FOXO4: variants seen among roughly 807,000 people sequenced by gnomAD.
FOXO4 encodes the protein forkhead box protein O4.
In FOXO4, 3 loss-of-function variants were observed where a neutral mutation model predicts 20.8. That is an observed-to-expected ratio of 0.14 (90% CI 0.07 to 0.37). The LOEUF is 0.37. Among genes scored for constraint, FOXO4 ranks in the 10% least tolerant of loss-of-function variants. The pLI is 1.00. For missense variants in FOXO4, 309 were observed against 431.9 expected (o/e 0.72, Z 2.52); for synonymous variants, 158 against 180.0 (o/e 0.88, Z 0.98).
At chrX:71,100,323 T>A (rs1443229117) in intron 1 of FOXO4, among the ~76,000 whole-genome samples, 3 of 110,327 alleles carry the variant, frequency 2.7e-5, no homozygotes, top group Non-Finnish European at 5.7e-5. Context: ...GAGCAGAGGC[T>A]GAGCAGCTTG....
chrX:71,098,225 T>C (rs1281665096), intron 1 of FOXO4, among the ~76,000 whole-genome samples: 1 of 112,632 alleles, frequency 8.9e-6, no homozygotes, highest in Admixed American at 9.4e-5. Context: ...GTTTTTATTT[T>C]ATTAATCTTT....
chrX:71,098,537 A>G (rs1418619686), intron 1 of FOXO4, among the ~76,000 whole-genome samples: 1 of 111,810 alleles, frequency 8.9e-6, no homozygotes, highest in Non-Finnish European at 1.9e-5. Flanking sequence ...TAGAACAAGA[A>G]AGTTTAGATT....
chrX:71,100,583 C>T, intron 1 of FOXO4, 101 bp from the exon 2 acceptor site: 2 of 603,271 alleles, frequency 3.3e-6, no homozygotes, highest in Non-Finnish European at 5.0e-6. Flanking sequence ...AATCCTAAAC[C>T]CTAGATCATC....
At position 71,100,677 on chromosome X, in the gene FOXO4, C is replaced by T; in HGVS notation, c.454-7C>T. On this transcript the variant is annotated splice_region_variant and splice_polypyrimidine_tract_variant and intron_variant, in intron 1 of 2. Transcript: ENST00000374259. ...ACGCCCCTTTCCTGCCATCTCTGCCCCTCCAGAACTCGATCCGCCACAACC... is the reference window on the plus strand; with the variant it reads ...ACGCCCCTTTCCTGCCATCTCTGCCTCTCCAGAACTCGATCCGCCACAACC... 1 of 1,176,391 alleles carries T rather than the reference C, an allele frequency of 8.5e-7. No individual in the cohort carries two copies. Among genetic ancestry groups the T allele is most frequent in the South Asian group, 1.9e-5 (1 of 52,110 alleles).
At position 71,095,968 on chromosome X, in the gene FOXO4, T is replaced by G. The variant is rs1602280934; in HGVS notation, c.-561T>G. On this transcript the variant is annotated 5_prime_UTR_variant, in exon 1 of 3. Transcript: ENST00000374259. ...TGGGGGGGGTTGATAGGGGAATCGG[T>G]GCGGGAATAAGGGAGGCCGCAGCCG... 1.5e-5 allele frequency among the ~76,000 whole-genome samples: 1 copy of G among 66,583 alleles called. No homozygotes were observed. The allele number at this position is 66,583 out of a possible 115,157, so 57.8% of individuals were successfully genotyped here.
chrX:71,096,664 G>A lies in FOXO4; in HGVS notation c.136G>A (p.Glu46Lys). 4 of 1,210,360 alleles carry A rather than the reference G, an allele frequency of 3.3e-6. No homozygotes were observed. The highest frequency in any genetic ancestry group is 1.8e-5 in the South Asian group (1 of 56,722). Residue 46 changes from glutamate to lysine, a missense_variant, in exon 1 of 3, where the codon GAG becomes AAG. Glu to Lys is a moderately conservative substitution (Grantham distance 56, BLOSUM62 1). Coordinates refer to ENST00000374259, the MANE Select transcript of FOXO4 (RefSeq NM_005938.4). ...PRPEIANQPS[E>K]PPEVEPDLGE... The stretch of plus-strand genomic sequence containing the variant: ...ACCAGAGATCGCTAACCAGCCGTCC[G>A]AGCCGCCCGAGGTGGAGCCAGATCT...
At position 71,103,238 on chromosome X, in the gene FOXO4, G is replaced by T. The variant is rs1256410812; in HGVS notation, c.*1154G>T. 1 of 171,436 alleles carries T rather than the reference G, an allele frequency of 5.8e-6. No individual in the cohort carries two copies. Among genetic ancestry groups the T allele is most frequent in the Non-Finnish European group, 1.1e-5 (1 of 89,280 alleles). The allele number at this position is 171,436 out of a possible 1,213,427, so 14.1% of individuals were successfully genotyped here. A position where few individuals can be genotyped will look rare whatever the true frequency, so the allele number is the denominator to read the frequency against. On this transcript the variant is annotated 3_prime_UTR_variant, in exon 3 of 3. Transcript: ENST00000374259. ...AGCGGGGAGGGGAGGAACAGGGAAG[G>T]GGGAGCTGGGGAGCTTGGCTGAGGG...
rs1602282825 is a variant in FOXO4 at position 71,100,068 on chromosome X, C to G, written c.454-616C>G. Among the ~76,000 whole-genome samples, 3 of 111,524 alleles carry G rather than the reference C, an allele frequency of 2.7e-5. No individual in the cohort carries two copies. In the East Asian group the frequency reaches 8.4e-4, roughly 31 times the overall value. ...TGTACCACTGTCCCGTAAACTCTAC[C>G]CAAACCTGCACTCAAGGAAAGGGGT... On this transcript the variant is annotated intron_variant, in intron 1 of 2. Coordinates refer to ENST00000374259, the MANE Select transcript of FOXO4 (RefSeq NM_005938.4).
Position 71,100,964 on chromosome X carries a change from G to C in FOXO4, c.734G>C (p.Arg245Pro). 8.3e-7 allele frequency: 1 copy of C among 1,210,913 alleles called. No individual in the cohort carries two copies. Among genetic ancestry groups the C allele is most frequent in the South Asian group, 1.8e-5 (1 of 56,796 alleles). Residue 245 changes from arginine (R) to proline (P), a missense_variant, in exon 2 of 3, where the codon CGA becomes CCA. This residue lies in a region of FOXO4 where 223 missense variants were observed against 302.7 expected (regional missense o/e 0.74). Coordinates refer to ENST00000374259, the MANE Select transcript of FOXO4 (RefSeq NM_005938.4). ...FAKWSGSPCS[R>P]NREEADMWTT... ...AAGTGGTCAGGCAGCCCTTGCTCTC[G>C]AAACCGTGAAGAAGCCGATATGTGG...
chrX:71,101,348 A>G lies in FOXO4; in HGVS notation c.1118A>G (p.Asp373Gly). The G allele has an allele frequency of 1.7e-6, 2 of 1,210,796 alleles. No individual in the cohort carries two copies. Among genetic ancestry groups the G allele is most frequent in the African/African-American group, 3.5e-5 (2 of 57,539 alleles). ...SQALEALLTSDTPPPPADVLM... is the reference protein window; with the variant it reads ...SQALEALLTSGTPPPPADVLM... Reference sequence around the variant, plus strand: ...GCTCTGGAGGCCCTGCTCACCTCTGATACGCCACCACCCCCTGCTGACGTC... The same window carrying G: ...GCTCTGGAGGCCCTGCTCACCTCTGGTACGCCACCACCCCCTGCTGACGTC... The change falls in exon 2 of 3, where the codon GAT becomes GGT. Residue 373 changes from aspartate to glycine, a missense_variant. Physicochemically the swap from Asp to Gly is moderately conservative, Grantham distance 94. This residue lies in a region of FOXO4 where 223 missense variants were observed against 302.7 expected (regional missense o/e 0.74). Coordinates refer to ENST00000374259, the MANE Select transcript of FOXO4 (RefSeq NM_005938.4).
intron 1 of FOXO4, 29 bp downstream of exon 1, chrX:71,097,010 A>G: frequency 8.8e-7 from 1 of 1,141,413 alleles, no homozygotes; most frequent in Non-Finnish European, 1.2e-6. Flanking sequence ...CCTTCTTCCC[A>G]ACACCATCTA....
intron 1 of FOXO4, among the ~76,000 whole-genome samples, chrX:71,100,403 C>A (rs949250765): frequency 1.9e-5 from 2 of 106,417 alleles, no homozygotes; most frequent in Non-Finnish European, 3.9e-5. Context: ...CCAGTTTTCC[C>A]CCCTGGATTC....
At chrX:71,098,700 T>C (rs963510989) in intron 1 of FOXO4, among the ~76,000 whole-genome samples, 1 of 111,716 alleles carries the variant, frequency 9.0e-6, no homozygotes, top group Non-Finnish European at 1.9e-5. Context: ...AAACGGGCCT[T>C]GTGGCTATTA....
At position 71,100,799 on chromosome X, in the gene FOXO4, C is replaced by T; in HGVS notation, c.569C>T (p.Ala190Val). Residue 190 changes from alanine (A) to valine (V), a missense_variant, in exon 2 of 3, where the codon GCC (alanine) becomes GTC (valine). Coordinates refer to ENST00000374259, the MANE Select transcript of FOXO4 (RefSeq NM_005938.4). Reference sequence around the variant, plus strand: ...CCTGAGGGAGGCAAGAGCGGCAAAGCCCCCCGCCGCCGGGCCGCCTCCATG... The same window carrying T: ...CCTGAGGGAGGCAAGAGCGGCAAAGTCCCCCGCCGCCGGGCCGCCTCCATG... ...LNPEGGKSGK[A>V]PRRRAASMDS... 5 of 1,210,077 alleles carry T rather than the reference C, an allele frequency of 4.1e-6. No homozygotes were observed. The highest frequency in any genetic ancestry group is 5.6e-6 in the Non-Finnish European group (5 of 894,518).
rs763022269 is a variant in FOXO4 at position 71,102,090 on chromosome X, G to T, written c.*6G>T. 20 of 1,209,680 alleles carry T rather than the reference G, an allele frequency of 1.7e-5. No homozygotes were observed. In the East Asian group the frequency reaches 5.9e-4, roughly 36 times the overall value. On this transcript the variant is annotated 3_prime_UTR_variant, in exon 3 of 3. Coordinates refer to ENST00000374259, the MANE Select transcript of FOXO4 (RefSeq NM_005938.4). ...TTCTTCCCACAGATCCCTGAGTCATGCCTGGAAGCTTTGTCCCCTGCTTCA... is the reference window on the plus strand; with the variant it reads ...TTCTTCCCACAGATCCCTGAGTCATTCCTGGAAGCTTTGTCCCCTGCTTCA...
Position 71,096,284 on chromosome X carries a change from G to C in FOXO4, c.-245G>C. 2 of 430,947 alleles carry C rather than the reference G, an allele frequency of 4.6e-6. No homozygotes were observed. The highest frequency in any genetic ancestry group is 8.1e-6 in the Non-Finnish European group (2 of 246,219). 35.5% of individuals were successfully genotyped at this position (430,947 alleles called of 1,213,427 possible). A position where few individuals can be genotyped will look rare whatever the true frequency, so the allele number is the denominator to read the frequency against. Reference sequence around the variant, plus strand: ...AGAAAAAGTGTCTTCGCTCGGCAGAGGTTACAGGTGGCATCTCAGAAAGAG... The same window carrying C: ...AGAAAAAGTGTCTTCGCTCGGCAGACGTTACAGGTGGCATCTCAGAAAGAG... On this transcript the variant is annotated 5_prime_UTR_variant, in exon 1 of 3. Transcript: ENST00000374259.
intron 1 of FOXO4, among the ~76,000 whole-genome samples, chrX:71,098,454 G>T (rs1042636551): frequency 4.5e-5 from 5 of 112,285 alleles, no homozygotes; most frequent in African/African-American, 1.6e-4. Flanking sequence ...CTGAGGGGAA[G>T]TCTCATGCCT....
Position 71,101,143 on chromosome X carries a change from G to C in FOXO4, c.913G>C (p.Glu305Gln). The change falls in exon 2 of 3, where the codon GAG becomes CAG. Residue 305 changes from glutamate (E) to glutamine (Q), a missense_variant. Around this residue, in one of 3 missense-constraint regions of FOXO4, gnomAD observed 223 missense variants for 302.7 expected, o/e 0.74. Coordinates refer to ENST00000374259, the MANE Select transcript of FOXO4 (RefSeq NM_005938.4). ...GVPPTLNEGL[E>Q]LLDGLNLTSS... ...CCCTCCCACCCTCAATGAAGGTCTA[G>C]AGCTGTTAGATGGGCTCAATCTCAC... The C allele has an allele frequency of 8.3e-7, 1 of 1,211,282 alleles. No individual in the cohort carries two copies.
At chrX:71,097,379 C>A (rs891249575) in intron 1 of FOXO4, among the ~76,000 whole-genome samples, 18 of 110,608 alleles carry the variant, frequency 1.6e-4, no homozygotes, top group Admixed American at 1.5e-3. Flanking sequence ...ACCTCCCACC[C>A]CAACACCTTT....
Sources: allele counts gnomAD v4.1 joint callset (sites outside exome capture counted in the v4.1 genomes callset), GRCh38; gene constraint gnomAD v4.1.1; regional missense constraint gnomAD v4.1.1; transcripts MANE v1.5; gene names NCBI Gene and HGNC (gene_info 2026-07-23, HGNC 2026-07-21).